PTPRN2: variants seen among roughly 807,000 people sequenced by gnomAD.
PTPRN2 encodes receptor-type tyrosine-protein phosphatase N2.
A neutral mutation model predicts 118.8 loss-of-function variants in PTPRN2; 74 were observed. The ratio of observed to expected loss-of-function variants is 0.62; its 90% confidence interval spans 0.52 to 0.76. PTPRN2 has a LOEUF of 0.76. PTPRN2 is among the 30% of genes least tolerant of loss of function. The pLI, the probability that PTPRN2 is intolerant of heterozygous loss-of-function variation, is 0.00. For synonymous variants in PTPRN2, 641 were observed against 608.0 expected (o/e 1.05, Z -0.80); for missense variants, 1,481 against 1,394.4 (o/e 1.06, Z -0.99).
intron 2 of PTPRN2, among the ~76,000 whole-genome samples, chr7:158,319,006 G>C (rs1802582135): frequency 1.3e-5 from 2 of 152,302 alleles, no homozygotes; most frequent in South Asian, 4.1e-4. Flanking sequence ...AACGTTCCAA[G>C]CAAAGCATTT....
chr7:157,675,236 G>A (rs979128595), intron 13 of PTPRN2, among the ~76,000 whole-genome samples: 15 of 152,118 alleles, frequency 9.9e-5, no homozygotes, highest in East Asian at 1.9e-4. Context: ...CAGGGTTCCC[G>A]CTGAGCTGGG....
chr7:158,224,496 T>G (rs556215311), intron 3 of PTPRN2, among the ~76,000 whole-genome samples: 141 of 152,108 alleles, frequency 9.3e-4, no homozygotes, highest in Non-Finnish European at 1.8e-3. Flanking sequence ...GTAGGAAAAT[T>G]TGCCTTTTCA....
At chr7:158,071,141 G>C (rs138755397) in intron 11 of PTPRN2, among the ~76,000 whole-genome samples, 7 of 9,502 alleles carry the variant, frequency 7.4e-4, no homozygotes, top group Non-Finnish European at 1.1e-3. Context: ...GGAGGTGCTC[G>C]TGGTGGTGGA....
intron 12 of PTPRN2, among the ~76,000 whole-genome samples, chr7:157,798,876 C>T (rs1357339375): frequency 6.6e-6 from 1 of 152,146 alleles, no homozygotes; most frequent in South Asian, 2.1e-4. Context: ...CCTTCCTCCA[C>T]ATCCCATCGG....
Position 158,071,583 on chromosome 7 carries a change from C to CTGGTGGAGGTGCTCCTGG in PTPRN2, c.1723+9697_1723+9714dup, listed in dbSNP as rs1563392182. ...GGAGGTGCTCCTGGTGGAGGTGCTC[C>CTGGTGGAGGTGCTCCTGG]TGGTGGAGGTGCTCCTGGTGGAGGT... On this transcript the variant is annotated intron_variant, in intron 11 of 22. Coordinates refer to ENST00000389418, the MANE Select transcript of PTPRN2 (RefSeq NM_002847.5). Among the ~76,000 whole-genome samples, 54 of 10,660 alleles carry CTGGTGGAGGTGCTCCTGG rather than the reference C, an allele frequency of 5.1e-3. 1 individual carries two copies. Among genetic ancestry groups the CTGGTGGAGGTGCTCCTGG allele is most frequent in the Non-Finnish European group, 7.5e-3 (45 of 6,000 alleles). The allele number at this position is 10,660 out of a possible 152,430, so 7.0% of individuals were successfully genotyped here.
intron 12 of PTPRN2, among the ~76,000 whole-genome samples, chr7:157,848,683 G>A (rs747156567): frequency 1.3e-5 from 2 of 152,252 alleles, no homozygotes; most frequent in African/African-American, 4.8e-5. Context: ...CGGCTTCCGC[G>A]GGATCCCATG....
intron 6 of PTPRN2, among the ~76,000 whole-genome samples, chr7:158,153,841 G>A (rs571937852): frequency 3.3e-4 from 50 of 152,054 alleles, no homozygotes; most frequent in Middle Eastern, 3.4e-3. Context: ...TAGGGGTGGT[G>A]GTCGGGGGGA....
At chr7:158,440,604 G>A (rs921463296) in intron 2 of PTPRN2, among the ~76,000 whole-genome samples, 7 of 150,918 alleles carry the variant, frequency 4.6e-5, no homozygotes, top group African/African-American at 1.2e-4. Flanking sequence ...TGGTGATGGT[G>A]GTAATACTGG....
At position 157,874,588 on chromosome 7, in the gene PTPRN2, C is replaced by T. The variant is rs948427431; in HGVS notation, c.1788+24085G>A. Reference sequence around the variant, plus strand: ...CTCGTGAGTAGGGGGATTTCCTACTCGCTCCACAGACAGCTCCCGGGGTCC... The same window carrying T: ...CTCGTGAGTAGGGGGATTTCCTACTTGCTCCACAGACAGCTCCCGGGGTCC... On this transcript the variant is annotated intron_variant, in intron 12 of 22. Transcript: ENST00000389418. This position sits in a 1 kb window ranked among gnomAD's most constrained non-coding sequence, Gnocchi z 5.8. Among the ~76,000 whole-genome samples, 5 of 152,182 alleles carry T rather than the reference C, an allele frequency of 3.3e-5. No homozygotes were observed. Among genetic ancestry groups the T allele is most frequent in the Non-Finnish European group, 4.4e-5 (3 of 68,038 alleles).
In PTPRN2 at chr7:157,540,589, C is replaced by G; in HGVS notation, c.*125G>C. The G allele has an allele frequency of 1.4e-6, 1 of 707,014 alleles. No individual in the cohort carries two copies. The highest frequency in any genetic ancestry group is 2.3e-5 in the South Asian group (1 of 43,420). 43.8% of individuals were successfully genotyped at this position (707,014 alleles called of 1,614,324 possible). ...ACTTTTAACTGCTAAACTGCGCTGACTACGGGAGAGCTAAGGGCCCTATTA... is the reference window on the plus strand; with the variant it reads ...ACTTTTAACTGCTAAACTGCGCTGAGTACGGGAGAGCTAAGGGCCCTATTA... On this transcript the variant is annotated 3_prime_UTR_variant, in exon 23 of 23. Transcript: ENST00000389418.
At chr7:158,024,213 G>C (rs964213308) in intron 11 of PTPRN2, among the ~76,000 whole-genome samples, 3 of 152,172 alleles carry the variant, frequency 2.0e-5, no homozygotes, top group Admixed American at 2.0e-4. Flanking sequence ...AGAGCGGTGA[G>C]GTTCCGAGTC....
chr7:158,149,590 G>T (rs193144820), intron 6 of PTPRN2, among the ~76,000 whole-genome samples: 1 of 152,098 alleles, frequency 6.6e-6, no homozygotes, highest in Non-Finnish European at 1.5e-5. Flanking sequence ...ATCACCTGAG[G>T]TCAGGAGTTC....
chr7:157,744,387 G>A (rs73744865), intron 12 of PTPRN2, among the ~76,000 whole-genome samples: 15 of 152,264 alleles, frequency 9.9e-5, no homozygotes, highest in Middle Eastern at 3.4e-3. Context: ...CCGACCTGGC[G>A]CCCGTTCAAC....
intron 2 of PTPRN2, among the ~76,000 whole-genome samples, chr7:158,331,033 C>T (rs1156390568): frequency 1.6e-4 from 23 of 145,560 alleles, no homozygotes; most frequent in Admixed American, 2.8e-4. Flanking sequence ...ACACTCTCAC[C>T]ATAAGAGGTG....
chr7:158,422,819 C>T (rs565619239), intron 2 of PTPRN2, among the ~76,000 whole-genome samples: 1 of 152,328 alleles, frequency 6.6e-6, no homozygotes, highest in Admixed American at 6.5e-5. Flanking sequence ...ACCATTCGGA[C>T]ATGGTCTCAA....
chr7:158,412,040 T>A (rs1341367193), intron 2 of PTPRN2, among the ~76,000 whole-genome samples: 2 of 144,038 alleles, frequency 1.4e-5, no homozygotes, highest in East Asian at 4.2e-4. Context: ...CCAGGGCCCA[T>A]CCAGTGCCCT....
At chr7:158,280,804 T>C (rs1799372476) in intron 3 of PTPRN2, among the ~76,000 whole-genome samples, 1 of 152,046 alleles carries the variant, frequency 6.6e-6, no homozygotes, top group African/African-American at 2.4e-5. Flanking sequence ...AGTAGAGAAA[T>C]AGAAGGTCTC....
intron 3 of PTPRN2, among the ~76,000 whole-genome samples, chr7:158,282,751 G>A (rs1163637350): frequency 2.0e-5 from 3 of 150,906 alleles, no homozygotes; most frequent in Non-Finnish European, 2.9e-5. Flanking sequence ...AGACACAGAC[G>A]GCTCATCCCT....
intron 3 of PTPRN2, among the ~76,000 whole-genome samples, chr7:158,278,925 C>T (rs550696603): frequency 4.7e-4 from 71 of 152,242 alleles, no homozygotes; most frequent in African/African-American, 1.7e-3. Flanking sequence ...GTAGCATATC[C>T]GGAGTTGTTC....
Sources: allele counts gnomAD v4.1 joint callset (sites outside exome capture counted in the v4.1 genomes callset), GRCh38; gene constraint gnomAD v4.1.1; non-coding constraint Gnocchi (gnomAD v3.1); transcripts MANE v1.5; gene names NCBI Gene and HGNC (gene_info 2026-07-23, HGNC 2026-07-21).